The following PITPNM1 variants were observed in gnomAD, a reference collection of about 807,000 sequenced individuals.
The protein encoded by PITPNM1 is phosphatidylinositol transfer protein membrane associated 1.
A neutral mutation model predicts 133.3 loss-of-function variants in PITPNM1; 74 were observed. The ratio of observed to expected loss-of-function variants is 0.56; its 90% CI spans 0.46 to 0.67. The LOEUF (loss-of-function observed/expected upper bound fraction) is 0.67, where lower values mean the gene tolerates loss of function less well. Ranked by LOEUF, PITPNM1 falls within the 30% of genes least tolerant of loss-of-function variation. The pLI, the probability that PITPNM1 is intolerant of heterozygous loss-of-function variation, is 0.00. For missense variants in PITPNM1, 1,398 were observed against 1,739.5 expected, an observed-to-expected ratio of 0.80 and a Z score of 3.49; for synonymous variants, 738 against 741.4, an observed-to-expected ratio of 1.00 and a Z score of 0.08.
chr11:67,500,109 G>A lies in PITPNM1; in HGVS notation c.953C>T (p.Ser318Leu), dbSNP rs997554114. The A allele has an allele frequency of 3.8e-6, 6 of 1,595,564 alleles. No individual in the cohort carries two copies. The African/African-American group carries it at 4.0e-5, about 11-fold the overall frequency. ...QWSSSSRSSY[S>L]SQHGGAVSPQ... is the part of the protein sequence containing the mutation. ...CCCAGCCTCACCTCCATGTTGGGAT[G>A]AGTAGGAGGAACGGGAGGATGAGGA... The change falls in exon 6 of 24, where the codon TCA becomes TTA. Residue 318 changes from serine to leucine, a missense_variant. Ser to Leu is a moderately radical substitution (Grantham distance 145, BLOSUM62 -2). Around this residue, in one of 5 missense-constraint regions of PITPNM1, gnomAD observed 195 missense variants for 178.8 expected, o/e 1.09. Transcript: ENST00000356404.
At chr11:67,499,855 T>G (rs201706218) in intron 7 of PITPNM1, 25 bp from the exon 8 acceptor site, 1 of 1,590,598 alleles carries the variant, frequency 6.3e-7, no homozygotes, top group South Asian at 1.1e-5. Context: ...GGCTGTGTCA[T>G]GGGGTGGGAG....
At position 67,493,821 on chromosome 11, in the gene PITPNM1, C is replaced by T. The variant is rs772679766; in HGVS notation, c.3025G>A (p.Ala1009Thr). ...GCCACCACAGTCAGGCAGCATTCGGCATAGGTGTGGTCGCCCCTGCGGCCC... is the reference window on the plus strand; with the variant it reads ...GCCACCACAGTCAGGCAGCATTCGGTATAGGTGTGGTCGCCCCTGCGGCCC... ...RMVVRGDHTY[A>T]ECCLTVVARG... The change falls in exon 21 of 24, where the codon GCC becomes ACC. Residue 1009 changes from alanine to threonine, a missense_variant. Ala to Thr is a moderately conservative substitution (Grantham distance 58, BLOSUM62 0). Coordinates refer to ENST00000356404, the MANE Select transcript of PITPNM1 (RefSeq NM_004910.3). 1.3e-6 allele frequency: 2 copies of T among 1,547,736 alleles called. No individual in the cohort carries two copies. The highest frequency in any genetic ancestry group is 1.4e-5 in the African/African-American group (1 of 73,374).
chr11:67,494,684 G>T (rs1866050126), intron 18 of PITPNM1, among the ~76,000 whole-genome samples, 162 bp downstream of exon 18: 1 of 151,766 alleles, frequency 6.6e-6, no homozygotes, highest in Admixed American at 6.6e-5. Context: ...GCGGGGCTGG[G>T]GCAATGAGGT....
In PITPNM1 at chr11:67,502,465, C is replaced by T; in HGVS notation, c.293+39G>A. ...ACTGCTGTACCCACCAGGGCCGCTC[C>T]CCTCCTGGCCTCGGACCATGCCCAG... is the stretch of plus-strand genomic sequence containing the variant. On this transcript the variant is annotated intron_variant, in intron 3 of 23. Coordinates refer to ENST00000356404, the MANE Select transcript of PITPNM1 (RefSeq NM_004910.3). The surrounding 1 kb of genome is among the most constrained non-coding windows in gnomAD (Gnocchi z 5.9). 1 of 1,613,570 alleles carries T rather than the reference C, an allele frequency of 6.2e-7. No homozygotes were observed. Among genetic ancestry groups the T allele is most frequent in the Non-Finnish European group, 8.5e-7 (1 of 1,179,870 alleles).
Position 67,497,268 on chromosome 11 carries a change from C to T in PITPNM1, c.2109G>A (p.Val703=). 6.2e-7 allele frequency: 1 copy of T among 1,612,084 alleles called. No homozygotes were observed. The highest frequency in any genetic ancestry group is 8.5e-7 in the Non-Finnish European group (1 of 1,179,372). Residue 703 remains valine (V), a synonymous_variant, in exon 14 of 24, where the codon GTG becomes GTA. Transcript: ENST00000356404. ...GCATCACAGTTTTGCGCAGAGCCAGCACCAGGCCCAGTGGGGAGCCGAAGA... is the reference window on the plus strand; with the variant it reads ...GCATCACAGTTTTGCGCAGAGCCAGTACCAGGCCCAGTGGGGAGCCGAAGA... ...FFLFGSPLGL[V]LALRKTVMPA...
chr11:67,491,923 G>A lies in PITPNM1; in HGVS notation c.*110C>T. The A allele has an allele frequency of 8.4e-7, 1 of 1,197,260 alleles. No individual in the cohort carries two copies. Among genetic ancestry groups the A allele is most frequent in the Non-Finnish European group, 1.2e-6 (1 of 854,224 alleles). The allele number at this position is 1,197,260 out of a possible 1,614,324, so 74.2% of individuals were successfully genotyped here. ...ACACGGAGATATAGGGTGTGGGGCT[G>A]GGGGGGCCAGCGCTGGGGCCAAAAG... is the stretch of plus-strand genomic sequence containing the variant. On this transcript the variant is annotated 3_prime_UTR_variant, in exon 24 of 24. Transcript: ENST00000356404.
Position 67,499,904 on chromosome 11 carries a change from C to T in PITPNM1, c.1063+10G>A, listed in dbSNP as rs1266104932. 6.2e-7 allele frequency: 1 copy of T among 1,610,318 alleles called. No individual in the cohort carries two copies. Among genetic ancestry groups the T allele is most frequent in the South Asian group, 1.1e-5 (1 of 91,040 alleles). ...ACATCCCCACTCCCAAAAAGGGCCT[C>T]AGTGCTGACCGTGGGCATCAAAGAA... On this transcript the variant is annotated intron_variant, in intron 7 of 23. Coordinates refer to ENST00000356404, the MANE Select transcript of PITPNM1 (RefSeq NM_004910.3).
chr11:67,493,265 G>A, intron 22 of PITPNM1, 145 bp downstream of exon 22: 1 of 1,091,488 alleles, frequency 9.2e-7, no homozygotes, highest in Non-Finnish European at 1.3e-6. Flanking sequence ...CAAACTAGGG[G>A]AGCAGGACCG....
rs1227649531 is a variant in PITPNM1, at chr11:67,504,396, G to T, written c.-41-175C>A. 2 of 228,240 alleles carry T rather than the reference G, an allele frequency of 8.8e-6. No homozygotes were observed. The highest frequency in any genetic ancestry group is 1.7e-5 in the Non-Finnish European group (2 of 118,110). The allele number at this position is 228,240 out of a possible 1,614,324, so 14.1% of individuals were successfully genotyped here. A position where few individuals can be genotyped will look rare whatever the true frequency, so the allele number is the denominator to read the frequency against. On this transcript the variant is annotated intron_variant, in intron 1 of 23. Coordinates refer to ENST00000356404, the MANE Select transcript of PITPNM1 (RefSeq NM_004910.3). The surrounding 1 kb of genome is among the most constrained non-coding windows in gnomAD (Gnocchi z 5.4). ...CGCCGGGGCCGGGAGCCGCAGCGAG[G>T]CTGAGCGCTGACCTCTTTTCCGCGC...
Position 67,500,209 on chromosome 11 carries a change from T to G in PITPNM1, c.853A>C (p.Thr285Pro), listed in dbSNP as rs200757389. ...STEARSAASN[T>P]GTPDGPEAPP... ...GCCTCAGGCCCATCGGGGGTGCCAG[T>G]GTTGCTGGCCGCAGACCGGGCCTCG... is the stretch of plus-strand genomic sequence containing the variant. Residue 285 changes from threonine to proline, a missense_variant, in exon 6 of 24, where the codon ACT becomes CCT. Coordinates refer to ENST00000356404, the MANE Select transcript of PITPNM1 (RefSeq NM_004910.3). The G allele has an allele frequency of 2.5e-6, 4 of 1,603,986 alleles. No homozygotes were observed. The East Asian group carries it at 8.9e-5, about 36-fold the overall frequency.
chr11:67,500,894 T>C (rs907190324), intron 5 of PITPNM1, among the ~76,000 whole-genome samples: 3 of 152,376 alleles, frequency 2.0e-5, no homozygotes, highest in African/African-American at 7.2e-5. Context: ...AAGAAAAAGT[T>C]AGAAACTCTT....
intron 2 of PITPNM1, among the ~76,000 whole-genome samples, chr11:67,503,001 T>C (rs1462769860): frequency 6.6e-6 from 1 of 152,178 alleles, no homozygotes; most frequent in Non-Finnish European, 1.5e-5. Context: ...TTGAGATATA[T>C]TGATGAATAG....
rs1866198646 is a variant in PITPNM1 at position 67,498,289 on chromosome 11, C to T, written c.1518G>A (p.Leu506=). 2.5e-6 allele frequency: 4 copies of T among 1,599,412 alleles called. No individual in the cohort carries two copies. The highest frequency in any genetic ancestry group is 2.7e-5 in the African/African-American group (2 of 74,880). ...GTGGAATGTGGTCTTGGGAGCGAGA[C>T]AGGCTGTCCCCATCGTGGCTGTAAG... ...LSPYSHDGDS[L]SRSQDHIPLA... The change falls in exon 11 of 24, where the codon CTG becomes CTA. Residue 506 remains leucine, a synonymous_variant. Coordinates refer to ENST00000356404, the MANE Select transcript of PITPNM1 (RefSeq NM_004910.3). This position sits in a 1 kb window ranked among gnomAD's most constrained non-coding sequence, Gnocchi z 5.7.
At chr11:67,495,893 G>A (rs545033252) in intron 15 of PITPNM1, among the ~76,000 whole-genome samples, 1 of 152,340 alleles carries the variant, frequency 6.6e-6, no homozygotes, top group East Asian at 1.9e-4. Flanking sequence ...CCACACAGAT[G>A]CAGCAGCGCA....
chr11:67,497,835 G>T lies in PITPNM1; in HGVS notation c.1782+82C>A. 4 of 1,478,608 alleles carry T rather than the reference G, an allele frequency of 2.7e-6. No individual in the cohort carries two copies. In the South Asian group the frequency reaches 4.6e-5, roughly 17 times the overall value. The allele number at this position is 1,478,608 out of a possible 1,614,324, so 91.6% of individuals were successfully genotyped here. A position where few individuals can be genotyped will look rare whatever the true frequency, so the allele number is the denominator to read the frequency against. On this transcript the variant is annotated intron_variant, in intron 12 of 23. Transcript: ENST00000356404. ...AGCAGGGGGCCTGCCTGCTGGCAGA[G>T]GGGTGGCATTCCAGGGGGCAGAGAC...
Position 67,498,181 on chromosome 11 carries a change from G to A in PITPNM1, c.1626C>T (p.Ala542=), listed in dbSNP as rs747379826. The A allele has an allele frequency of 6.2e-7, 1 of 1,613,316 alleles. No individual in the cohort carries two copies. The highest frequency in any genetic ancestry group is 8.5e-7 in the Non-Finnish European group (1 of 1,179,972). ...CAGGTGAGCGCAGGAAGGCTGAGTA[G>A]GCCTGGTTGGTGCGGGCAATGACGG... ...VATVIARTNQ[A]YSAFLRSPEG... Residue 542 remains alanine (A), a synonymous_variant, in exon 11 of 24, where the codon GCC becomes GCT. Transcript: ENST00000356404. This position sits in a 1 kb window ranked among gnomAD's most constrained non-coding sequence, Gnocchi z 5.7.
intron 22 of PITPNM1, 122 bp downstream of exon 22, chr11:67,493,288 G>T: frequency 8.5e-7 from 1 of 1,175,816 alleles, no homozygotes; most frequent in Non-Finnish European, 1.2e-6. Flanking sequence ...GCGGGCCGCT[G>T]CAGTCAGGCA....
rs576354161 is a variant in PITPNM1 at position 67,498,164 on chromosome 11, C to T, written c.1643G>A (p.Arg548His). 37 of 1,613,046 alleles carry T rather than the reference C, an allele frequency of 2.3e-5. No individual in the cohort carries two copies. The East Asian group carries it at 3.1e-4, about 14-fold the overall frequency. Residue 548 changes from arginine to histidine, a missense_variant, in exon 11 of 24, where the codon CGC becomes CAC. Arg to His is a conservative substitution (Grantham distance 29, BLOSUM62 0). Around this residue, in one of 5 missense-constraint regions of PITPNM1, gnomAD observed 574 missense variants for 698.7 expected, o/e 0.82. Transcript: ENST00000356404. The surrounding 1 kb of genome is among the most constrained non-coding windows in gnomAD (Gnocchi z 5.7). ...ACAGAAGCCGGCACCCTCAGGTGAG[C>T]GCAGGAAGGCTGAGTAGGCCTGGTT... ...RTNQAYSAFL[R>H]SPEGAGFCGQ...
chr11:67,498,900 G>A lies in PITPNM1; in HGVS notation c.1233+40C>T. 5 of 1,611,830 alleles carry A rather than the reference G, an allele frequency of 3.1e-6. No homozygotes were observed. Among genetic ancestry groups the A allele is most frequent in the Non-Finnish European group, 4.2e-6 (5 of 1,178,834 alleles). Reference sequence around the variant, plus strand: ...GTCACAGCAGTGGCCGGGCCAGTGAGTAGGGGGAGCTTTGACATGGGGTGG... The same window carrying A: ...GTCACAGCAGTGGCCGGGCCAGTGAATAGGGGGAGCTTTGACATGGGGTGG... On this transcript the variant is annotated intron_variant, in intron 9 of 23. Coordinates refer to ENST00000356404, the MANE Select transcript of PITPNM1 (RefSeq NM_004910.3). This position sits in a 1 kb window ranked among gnomAD's most constrained non-coding sequence, Gnocchi z 5.7.
Sources: gnomAD v4.1 joint callset for allele counts (sites outside exome capture counted in the v4.1 genomes callset) on GRCh38, gnomAD v4.1.1 for gene constraint, gnomAD v4.1.1 regional missense constraint, Gnocchi (gnomAD v3.1) non-coding constraint, MANE v1.5 for transcripts, NCBI Gene and HGNC (gene_info 2026-07-23, HGNC 2026-07-21) for gene names.